The following TENM2 variants were observed in gnomAD, a reference collection of about 807,000 sequenced individuals.
The protein encoded by TENM2 is teneurin transmembrane protein 2.
Under a neutral mutation model 245.2 loss-of-function variants are expected in TENM2, and 52 were observed. The observed-to-expected ratio is 0.21, with a 90% CI of 0.17 to 0.27. TENM2 has a LOEUF of 0.27. Ranked by LOEUF, TENM2 falls within the 10% of genes least tolerant of loss-of-function variation. The pLI, the probability that TENM2 is intolerant of heterozygous loss-of-function variation, is 1.00. For synonymous variants in TENM2, 1,363 were observed against 1,438.9 expected (o/e 0.95, Z 1.19); for missense variants, 3,046 against 3,666.8 (o/e 0.83, Z 4.37).
intron 2 of TENM2, among the ~76,000 whole-genome samples, chr5:167,417,890 C>T (rs76076065): frequency 1.4e-4 from 21 of 152,160 alleles, no homozygotes; most frequent in Admixed American, 7.2e-4. Context: ...TGTTCCTCCT[C>T]CCCTTTGTGT....
intron 2 of TENM2, among the ~76,000 whole-genome samples, chr5:167,798,802 A>G (rs984973560): frequency 1.3e-5 from 2 of 152,220 alleles, no homozygotes; most frequent in African/African-American, 4.8e-5. Context: ...TGCTTGTCAA[A>G]GACACACTAA....
intron 2 of TENM2, among the ~76,000 whole-genome samples, chr5:167,704,541 A>G (rs575077355): frequency 6.6e-6 from 1 of 152,256 alleles, no homozygotes; most frequent in South Asian, 2.1e-4. Context: ...GATAAAATGT[A>G]TTCAAACAGA....
the TENM2 span, among the ~76,000 whole-genome samples, chr5:167,112,327 A>C: frequency 2.0e-5 from 3 of 152,234 alleles, no homozygotes; most frequent in African/African-American, 7.2e-5. Context: ...GTTTTAATTC[A>C]ATAGAAGATG....
At chr5:167,672,940 G>A (rs1282325973) in intron 2 of TENM2, among the ~76,000 whole-genome samples, 2 of 148,318 alleles carry the variant, frequency 1.3e-5, no homozygotes, top group South Asian at 4.2e-4. Flanking sequence ...ATGATTTCTC[G>A]AACTCTTAAT....
rs1477976409 is a variant in TENM2 at position 168,076,665 on chromosome 5, A to G, written c.1516-13909A>G. On this transcript the variant is annotated intron_variant, in intron 7 of 28. Transcript: ENST00000518659. The stretch of plus-strand genomic sequence containing the variant: ...CAGTACACAGAGCAGTGCCAGGCAC[A>G]TGGTGGTTGCTCAATATTTGTTGAA... Among the ~76,000 whole-genome samples the G allele has an allele frequency of 2.0e-5, 3 of 152,214 alleles. No individual in the cohort carries two copies. The East Asian group carries it at 5.8e-4, about 29-fold the overall frequency.
chr5:167,222,695 A>G, the TENM2 span, among the ~76,000 whole-genome samples: 3 of 152,166 alleles, frequency 2.0e-5, no homozygotes, highest in African/African-American at 7.2e-5. Context: ...GTCTACCTTA[A>G]GCTTTGACCA....
chr5:167,178,811 C>T, the TENM2 span, among the ~76,000 whole-genome samples: 1 of 152,126 alleles, frequency 6.6e-6, no homozygotes, highest in Non-Finnish European at 1.5e-5. Flanking sequence ...TGCACACACG[C>T]ATATAAAATG....
At chr5:167,334,431 G>A (rs1055206349) in intron 1 of TENM2, among the ~76,000 whole-genome samples, 3 of 152,262 alleles carry the variant, frequency 2.0e-5, no homozygotes, top group Admixed American at 1.3e-4. Flanking sequence ...ACACTTAATG[G>A]CATAAAATTA....
At chr5:167,818,309 T>A (rs1385760126) in intron 2 of TENM2, among the ~76,000 whole-genome samples, 1 of 152,176 alleles carries the variant, frequency 6.6e-6, no homozygotes, top group African/African-American at 2.4e-5. Flanking sequence ...ACACAGATTG[T>A]CAATAACAAT....
chr5:167,089,637 A>C, the TENM2 span, among the ~76,000 whole-genome samples: 27 of 151,914 alleles, frequency 1.8e-4, no homozygotes, highest in Non-Finnish European at 1.0e-4. Context: ...TAGGAGGGGG[A>C]TTGTGGCAGA....
rs912209070 is a variant in TENM2 at position 167,523,480 on chromosome 5, A to C, written c.502+148007A>C. Among the ~76,000 whole-genome samples the C allele has an allele frequency of 2.4e-4, 37 of 152,248 alleles. No homozygotes were observed. In the South Asian group the frequency reaches 3.3e-3, roughly 14 times the overall value. On this transcript the variant is annotated intron_variant, in intron 2 of 28. Transcript: ENST00000518659. ...GCTAGATTTCAGTGAGCCAACGTCA[A>C]ATATCAGGGGATTTTACACATAAAT...
the TENM2 span, among the ~76,000 whole-genome samples, chr5:167,145,107 A>G: frequency 6.6e-6 from 1 of 152,124 alleles, no homozygotes; most frequent in Admixed American, 6.5e-5. Flanking sequence ...TACCCTTGTG[A>G]TACTGAGCAC....
chr5:166,980,340 A>G, the TENM2 span, among the ~76,000 whole-genome samples: 3 of 152,194 alleles, frequency 2.0e-5, no homozygotes, highest in East Asian at 1.9e-4. Context: ...CATCTTGTCA[A>G]TGGAGGGGAG....
intron 2 of TENM2, among the ~76,000 whole-genome samples, chr5:167,452,497 C>T (rs151032617): frequency 4.7e-4 from 71 of 152,240 alleles, no homozygotes; most frequent in African/African-American, 1.6e-3. Flanking sequence ...GCCTAGAATC[C>T]AAGGATGCCA....
rs534836766 is a variant in TENM2, at chr5:167,366,068, T to C, written c.227-9130T>C. On this transcript the variant is annotated intron_variant, in intron 1 of 28. Coordinates refer to ENST00000518659, the Ensembl canonical transcript of TENM2. ...ACTAAAAACATACACAGACAGTAGGTAGAGTCAGAAAAACAGAATTTTTTT... is the reference window on the plus strand; with the variant it reads ...ACTAAAAACATACACAGACAGTAGGCAGAGTCAGAAAAACAGAATTTTTTT... Among the ~76,000 whole-genome samples, 94 of 149,462 alleles carry C rather than the reference T, an allele frequency of 6.3e-4. 1 individual carries two copies. The highest frequency in any genetic ancestry group is 1.7e-3 in the African/African-American group (70 of 40,738).
the TENM2 span, among the ~76,000 whole-genome samples, chr5:167,194,764 A>G: frequency 3.9e-5 from 6 of 152,056 alleles, no homozygotes; most frequent in Non-Finnish European, 8.8e-5. Flanking sequence ...TAAATGCTTC[A>G]TAAATGTTAG....
intron 2 of TENM2, among the ~76,000 whole-genome samples, chr5:167,425,635 G>A (rs1763767448): frequency 6.6e-6 from 1 of 152,114 alleles, no homozygotes. Context: ...AAATACACAA[G>A]ATATAATATC....
At chr5:167,124,977 G>A in the TENM2 span, among the ~76,000 whole-genome samples, 5 of 152,096 alleles carry the variant, frequency 3.3e-5, no homozygotes, top group East Asian at 1.9e-4. Context: ...TTTCCCCACC[G>A]TGGAACTAGG....
intron 26 of TENM2, among the ~76,000 whole-genome samples, chr5:168,245,036 G>A (rs1766425096): frequency 6.6e-6 from 1 of 151,968 alleles, no homozygotes; most frequent in African/African-American, 2.4e-5. Flanking sequence ...CAAAGTGCTG[G>A]GATTACAGGT....
Sources: gnomAD v4.1 joint callset for allele counts (sites outside exome capture counted in the v4.1 genomes callset) on GRCh38, gnomAD v4.1.1 for gene constraint, MANE v1.5 for transcripts, NCBI Gene and HGNC (gene_info 2026-07-23, HGNC 2026-07-21) for gene names.